The following UGT1A4 variants were observed in gnomAD, a reference collection of about 807,000 sequenced individuals.
UGT1A4 encodes the protein UDP-glucuronosyltransferase 1A4.
In UGT1A4, 32 loss-of-function variants were observed where a neutral mutation model predicts 41.1. The observed-to-expected ratio is 0.78, with a 90% confidence interval of 0.59 to 1.05. The LOEUF is 1.05. UGT1A4 is among the 50% of genes least tolerant of loss of function. UGT1A4 has a pLI of 0.00. For synonymous variants in UGT1A4, 283 were observed against 265.1 expected (o/e 1.07, Z -0.66); for missense variants, 748 against 677.4 (o/e 1.10, Z -1.16).
intron 1 of UGT1A4, among the ~76,000 whole-genome samples, chr2:233,744,426 A>T (rs1305871447): frequency 6.6e-6 from 1 of 151,832 alleles, no homozygotes; most frequent in African/African-American, 2.4e-5. Flanking sequence ...TGTGGATTAT[A>T]TCTATCATAC....
In UGT1A4 at chr2:233,719,159, T is replaced by C. The variant is rs28898610; in HGVS notation, c.339T>C (p.Ser113=). 5.1e-4 allele frequency: 822 copies of C among 1,614,244 alleles called. 5 individuals are homozygous for C. The African/African-American group carries it at 9.5e-3, about 19-fold the overall frequency. The part of the protein sequence containing the change: ...TEHLLKRYSR[S]MAIMNNVSLA... ...ATCTTCTGAAGAGATATTCTAGAAG[T>C]ATGGCAATTATGAACAATGTATCTT... The change falls in exon 1 of 5, where the codon AGT becomes AGC. Residue 113 remains serine, a synonymous_variant. Transcript: ENST00000373409.
At chr2:233,725,024 G>A (rs1241696904) in intron 1 of UGT1A4, among the ~76,000 whole-genome samples, 4 of 148,280 alleles carry the variant, frequency 2.7e-5, no homozygotes, top group Admixed American at 6.7e-5. Flanking sequence ...AGCAAAACCC[G>A]GTCTCCACCA....
At chr2:233,760,473 T>C (rs2125984600) in intron 1 of UGT1A4, 2 of 1,614,230 alleles carry the variant, frequency 1.2e-6, no homozygotes, top group Non-Finnish European at 1.7e-6. Flanking sequence ...TCCTAGCACC[T>C]GACGCCTCGT....
rs548170918 is a variant in UGT1A4, at chr2:233,735,411, T to G, written c.867+15724T>G. ...TTTTGAGCCTATGTGTGTCTCTGCA[T>G]GTGAGATAGGCCTCCTGAATACAGC... On this transcript the variant is annotated intron_variant, in intron 1 of 4. Coordinates refer to ENST00000373409, the MANE Select transcript of UGT1A4 (RefSeq NM_007120.3). 2.6e-5 allele frequency among the ~76,000 whole-genome samples: 4 copies of G among 152,294 alleles called. 1 individual carries two copies. In the Middle Eastern group the frequency reaches 0.014, roughly 518 times the overall value.
chr2:233,756,339 T>G (rs1013422836), intron 1 of UGT1A4: 3 of 152,244 alleles, frequency 2.0e-5, no homozygotes, highest in Non-Finnish European at 4.4e-5. Context: ...TAGTCATCTC[T>G]TGATTACTTT....
chr2:233,766,405 C>T (rs545959555), intron 1 of UGT1A4, among the ~76,000 whole-genome samples: 1 of 152,316 alleles, frequency 6.6e-6, no homozygotes, highest in East Asian at 1.9e-4. Flanking sequence ...CGTCCCTCCG[C>T]TGATGTGCTC....
intron 1 of UGT1A4, chr2:233,761,074 G>C (rs1315793944): frequency 1.2e-6 from 2 of 1,614,148 alleles, no homozygotes; most frequent in Admixed American, 1.7e-5. Context: ...CTTTGTGAAG[G>C]ATTACCCTAG....
In UGT1A4 at chr2:233,768,066, C is replaced by T; in HGVS notation, c.1087+130C>T. The T allele has an allele frequency of 1.9e-6, 3 of 1,597,468 alleles. No homozygotes were observed. In the Admixed American group the frequency reaches 5.2e-5, roughly 28 times the overall value. On this transcript the variant is annotated intron_variant, in intron 3 of 4. Coordinates refer to ENST00000373409, the MANE Select transcript of UGT1A4 (RefSeq NM_007120.3). ...CAACATATCCTACATTGCTTTTTAT[C>T]TAGTGGGGTATCTCAACCCACATTT...
chr2:233,754,931 G>T, intron 1 of UGT1A4: 1 of 1,344,540 alleles, frequency 7.4e-7, no homozygotes, highest in South Asian at 1.1e-5. Context: ...TTCCCAAGAG[G>T]TCAAAGGAGA....
intron 1 of UGT1A4, among the ~76,000 whole-genome samples, chr2:233,766,079 G>A (rs1159217409): frequency 1.3e-5 from 2 of 152,140 alleles, no homozygotes; most frequent in East Asian, 1.9e-4. Flanking sequence ...CTACCTTGTC[G>A]CAAGGACAGA....
At chr2:233,750,502 A>T (rs1694477607) in intron 1 of UGT1A4, 1 of 152,122 alleles carries the variant, frequency 6.6e-6, no homozygotes, top group East Asian at 1.9e-4. Context: ...GAGGAGCCAA[A>T]TGTTAATTGC....
At chr2:233,767,759 AG>A in intron 2 of UGT1A4, 89 bp from the exon 3 acceptor site, 5 of 1,604,854 alleles carry the variant, frequency 3.1e-6, no homozygotes, top group Non-Finnish European at 4.3e-6. Flanking sequence ...GTTCCTTCAG[AG>A]GACCCCTGTT....
At position 233,732,107 on chromosome 2, in the gene UGT1A4, C is replaced by A. The variant is rs564332248; in HGVS notation, c.867+12420C>A. Among the ~76,000 whole-genome samples the A allele has an allele frequency of 2.0e-5, 3 of 151,486 alleles. No individual in the cohort carries two copies. In the East Asian group the frequency reaches 5.8e-4, roughly 29 times the overall value. On this transcript the variant is annotated intron_variant, in intron 1 of 4. Coordinates refer to ENST00000373409, the MANE Select transcript of UGT1A4 (RefSeq NM_007120.3). The stretch of plus-strand genomic sequence containing the variant: ...TCTTTTGAGAAGTGTCTGTTCATAT[C>A]CTTTGCCCACTTTTTGATGAGGTTG...
At chr2:233,761,081 C>T in intron 1 of UGT1A4, 2 of 1,614,180 alleles carry the variant, frequency 1.2e-6, no homozygotes, top group Non-Finnish European at 1.7e-6. Flanking sequence ...AAGGATTACC[C>T]TAGGCCCATC....
rs138183896 is a variant in UGT1A4 at position 233,760,581 on chromosome 2, T to C, written c.868-6453T>C. The C allele has an allele frequency of 2.4e-4, 385 of 1,614,108 alleles. No individual in the cohort carries two copies. Among genetic ancestry groups the C allele is most frequent in the Non-Finnish European group, 3.1e-4 (370 of 1,180,052 alleles). ...AGTCTTTTGTTAGTCTCGGGCATAATGTTTTTGAGAATGATTCTTTCCTGC... is the reference window on the plus strand; with the variant it reads ...AGTCTTTTGTTAGTCTCGGGCATAACGTTTTTGAGAATGATTCTTTCCTGC... On this transcript the variant is annotated intron_variant, in intron 1 of 4. Transcript: ENST00000373409.
chr2:233,744,004 C>A, intron 1 of UGT1A4: 1 of 1,163,748 alleles, frequency 8.6e-7, no homozygotes, highest in Non-Finnish European at 1.1e-6. Context: ...TGCTCGGAGA[C>A]CTGGGCCGCC....
intron 1 of UGT1A4, among the ~76,000 whole-genome samples, chr2:233,735,199 T>C (rs2078621377): frequency 6.6e-6 from 1 of 152,232 alleles, no homozygotes; most frequent in Non-Finnish European, 1.5e-5. Flanking sequence ...TAGGTGCTCC[T>C]GTATTGGGTG....
Position 233,769,813 on chromosome 2 carries a change from C to A in UGT1A4, c.1307+1374C>A. 2.1e-6 allele frequency: 2 copies of A among 945,300 alleles called. No individual in the cohort carries two copies. The highest frequency in any genetic ancestry group is 2.9e-6 in the Non-Finnish European group (2 of 681,442). 58.6% of individuals were successfully genotyped at this position (945,300 alleles called of 1,614,324 possible). On this transcript the variant is annotated intron_variant, in intron 4 of 4. Coordinates refer to ENST00000373409, the MANE Select transcript of UGT1A4 (RefSeq NM_007120.3). This position sits in a 1 kb window ranked among gnomAD's most constrained non-coding sequence, Gnocchi z 4.4. ...GAGGCTGCTATGAGCCGTGATCATG[C>A]CACTGCACTCCAGCAACCTGGGCAA...
rs1254304358 is a variant in UGT1A4 at position 233,743,239 on chromosome 2, C to G, written c.867+23552C>G. The stretch of plus-strand genomic sequence containing the variant: ...GCTCTTTGCTATTTATTATGAAGGA[C>G]TTTAACTCAACTCTCCATCTTCCTC... On this transcript the variant is annotated intron_variant, in intron 1 of 4. Coordinates refer to ENST00000373409, the MANE Select transcript of UGT1A4 (RefSeq NM_007120.3). The G allele has an allele frequency of 1.4e-5, 6 of 424,156 alleles. No individual in the cohort carries two copies. The East Asian group carries it at 4.3e-4, about 30-fold the overall frequency. 26.3% of individuals were successfully genotyped at this position (424,156 alleles called of 1,614,324 possible).
Sources: allele counts gnomAD v4.1 joint callset (sites outside exome capture counted in the v4.1 genomes callset), GRCh38; gene constraint gnomAD v4.1.1; non-coding constraint Gnocchi (gnomAD v3.1); transcripts MANE v1.5; gene names NCBI Gene and HGNC (gene_info 2026-07-23, HGNC 2026-07-21).